MROH9: variants seen among roughly 807,000 people sequenced by gnomAD.
MROH9 encodes the protein maestro heat-like repeat-containing protein family member 9.
In MROH9, 92 loss-of-function variants were observed where a neutral mutation model predicts 98.2. That is an observed-to-expected ratio of 0.94 (90% CI 0.79 to 1.11). The LOEUF (loss-of-function observed/expected upper bound fraction) is 1.11. MROH9 is among the 50% of genes most tolerant of loss of function. The probability of loss-of-function intolerance (pLI) is 0.00; values close to 1 mark genes in which losing one functional copy is unlikely to be tolerated. For synonymous variants in MROH9, 397 were observed against 368.9 expected, an observed-to-expected ratio of 1.08 and a Z score of -0.87; for missense variants, 1,057 against 1,014.8, an observed-to-expected ratio of 1.04 and a Z score of -0.57.
chr1:171,048,808 T>C (rs1221514818), intron 20 of MROH9, among the ~76,000 whole-genome samples: 1 of 152,198 alleles, frequency 6.6e-6, no homozygotes, highest in South Asian at 2.1e-4. Context: ...CACAATGTAG[T>C]ACCTGGGTAT....
At chr1:170,945,404 T>C in intron 1 of MROH9, 116 bp from the exon 2 acceptor site, 1 of 665,262 alleles carries the variant, frequency 1.5e-6, no homozygotes, top group Non-Finnish European at 2.7e-6. Context: ...TGCACAGCTA[T>C]AGAAAATTAA....
At position 170,937,623 on chromosome 1, in the gene MROH9, G is replaced by A. The variant is rs1335514521; in HGVS notation, c.-38+2036G>A. ...TGCAAGCTCCGCCTCCCGGGTTCACGCCATTCTCCTGCCTCAGCCTCCCAA... is the reference window on the plus strand; with the variant it reads ...TGCAAGCTCCGCCTCCCGGGTTCACACCATTCTCCTGCCTCAGCCTCCCAA... On this transcript the variant is annotated intron_variant, in intron 1 of 21. Coordinates refer to ENST00000367759, the MANE Select transcript of MROH9 (RefSeq NM_001163629.2). Among the ~76,000 whole-genome samples, 8 of 144,934 alleles carry A rather than the reference G, an allele frequency of 5.5e-5. No individual in the cohort carries two copies. The South Asian group carries it at 1.1e-3, about 20-fold the overall frequency.
intron 17 of MROH9, among the ~76,000 whole-genome samples, chr1:171,022,874 A>G (rs1220910534): frequency 6.6e-6 from 1 of 152,178 alleles, no homozygotes; most frequent in Non-Finnish European, 1.5e-5. Context: ...CTGTATTACT[A>G]TTATCCAATT....
rs185363507 is a variant in MROH9 at position 170,995,399 on chromosome 1, C to T, written c.1205C>T (p.Ala402Val). 8.1e-6 allele frequency: 13 copies of T among 1,613,314 alleles called. No homozygotes were observed. The East Asian group carries it at 2.7e-4, about 33-fold the overall frequency. Residue 402 changes from alanine (A) to valine (V), a missense_variant, in exon 13 of 22, where the codon GCC becomes GTC. Transcript: ENST00000367759. ...TNLMPLAACQ[A>V]LCTFLPLGSY... ...TTCCTTCCCTTATAGGCATGCCAGG[C>T]CCTGTGCACCTTTCTGCCTCTTGGT...
chr1:171,018,184 G>A (rs1652393223), intron 17 of MROH9, among the ~76,000 whole-genome samples: 2 of 152,098 alleles, frequency 1.3e-5, no homozygotes, highest in African/African-American at 4.8e-5. Flanking sequence ...CCAGAGGAAG[G>A]AGCAGGCACC....
At chr1:171,017,424 G>C (rs776206086) in intron 17 of MROH9, among the ~76,000 whole-genome samples, 4 of 152,158 alleles carry the variant, frequency 2.6e-5, no homozygotes, top group African/African-American at 7.2e-5. Context: ...TTTTTTCCAC[G>C]AAAATCCCAC....
rs573767729 is a variant in MROH9 at position 170,994,979 on chromosome 1, A to T, written c.1195-410A>T. Among the ~76,000 whole-genome samples, 47 of 148,786 alleles carry T rather than the reference A, an allele frequency of 3.2e-4. No individual in the cohort carries two copies. In the East Asian group the frequency reaches 8.1e-3, roughly 26 times the overall value. On this transcript the variant is annotated intron_variant, in intron 12 of 21. Transcript: ENST00000367759. The stretch of plus-strand genomic sequence containing the variant: ...ATTGCAGTAGTCAATAGGCCAAATG[A>T]TCTGTTGGTGACCTGACCTGCCTTC...
chr1:171,038,531 G>A (rs1653184337), intron 20 of MROH9, among the ~76,000 whole-genome samples: 1 of 152,152 alleles, frequency 6.6e-6, no homozygotes, highest in African/African-American at 2.4e-5. Context: ...TCACACATGG[G>A]AGAAATGATG....
In MROH9 at chr1:171,014,340, C is replaced by T. The variant is rs544867749; in HGVS notation, c.1734+86C>T. On this transcript the variant is annotated intron_variant, in intron 16 of 21. Transcript: ENST00000367759. Reference sequence around the variant, plus strand: ...TCACTTAACATCTTCACTGACAAAGCGGTGATATTTTTCAGTCTCTATATA... The same window carrying T: ...TCACTTAACATCTTCACTGACAAAGTGGTGATATTTTTCAGTCTCTATATA... The T allele has an allele frequency of 1.2e-5, 15 of 1,279,394 alleles. 1 individual carries two copies. The Admixed American group carries it at 2.0e-4, about 17-fold the overall frequency. The allele number at this position is 1,279,394 out of a possible 1,614,324, so 79.3% of individuals were successfully genotyped here.
At chr1:171,054,497 AAAAGCAAATG>A (rs1653768494) in intron 20 of MROH9, among the ~76,000 whole-genome samples, 1 of 147,882 alleles carries the variant, frequency 6.8e-6, no homozygotes, top group African/African-American at 2.7e-5. Flanking sequence ...CCAAGAACCC[AAAAGCAAATG>A]CAACAAAATT....
intron 12 of MROH9, among the ~76,000 whole-genome samples, chr1:170,993,891 A>G (rs563654250): frequency 1.3e-5 from 2 of 151,846 alleles, no homozygotes; most frequent in African/African-American, 4.8e-5. Flanking sequence ...TTTTTAATGT[A>G]TTTTTCTCTC....
rs773855378 is a variant in MROH9, at chr1:170,983,508, C to A, written c.703C>A (p.Gln235Lys). The A allele has an allele frequency of 1.2e-6, 2 of 1,612,186 alleles. No individual in the cohort carries two copies. The change falls in exon 9 of 22, where the codon CAA (glutamine) becomes AAA (lysine). Residue 235 changes from glutamine (Q) to lysine (K), a missense_variant. Physicochemically the swap from Gln to Lys is moderately conservative, Grantham distance 53. Coordinates refer to ENST00000367759, the MANE Select transcript of MROH9 (RefSeq NM_001163629.2). ...TGTAGAATTTCTACCCAAGGAGTTT[C>A]AACAAGACGAAAGTAAAATAGCTCA... ...SDVEFLPKEF[Q>K]QDESKIAQRV...
chr1:171,008,496 A>G (rs1235026815), intron 15 of MROH9, among the ~76,000 whole-genome samples: 1 of 152,254 alleles, frequency 6.6e-6, no homozygotes, highest in African/African-American at 2.4e-5. Flanking sequence ...TTTCTGTACA[A>G]TGGAATTACT....
chr1:170,945,124 T>A (rs1180226815), intron 1 of MROH9, among the ~76,000 whole-genome samples: 1 of 151,850 alleles, frequency 6.6e-6, no homozygotes, highest in Non-Finnish European at 1.5e-5. Flanking sequence ...CGCAGACGGC[T>A]TCTAGATGCT....
chr1:171,021,610 G>A (rs1260436968), intron 17 of MROH9, among the ~76,000 whole-genome samples: 2 of 151,536 alleles, frequency 1.3e-5, no homozygotes, highest in Non-Finnish European at 1.5e-5. Context: ...ACTTAACATG[G>A]CTTAAAGACT....
chr1:170,965,891 A>C (rs1166516936), intron 7 of MROH9, among the ~76,000 whole-genome samples: 1 of 152,132 alleles, frequency 6.6e-6, no homozygotes, highest in Non-Finnish European at 1.5e-5. Context: ...AATACATCCT[A>C]TAGACATTTT....
At position 170,995,521 on chromosome 1, in the gene MROH9, G is replaced by A; in HGVS notation, c.1327G>A (p.Asp443Asn). Reference protein sequence around the residue: ...YNSELKPILKDRALYAQDALR... With the variant: ...YNSELKPILKNRALYAQDALR... ...CAGTGAGCTGAAACCGATACTCAAG[G>A]ACAGGGCTTTGTGAGTTAAAACTGG... Residue 443 changes from aspartate (D) to asparagine (N), a missense_variant, in exon 13 of 22, where the codon GAC becomes AAC. Transcript: ENST00000367759. 6.2e-7 allele frequency: 1 copy of A among 1,613,078 alleles called. No homozygotes were observed. The highest frequency in any genetic ancestry group is 8.5e-7 in the Non-Finnish European group (1 of 1,179,388).
intron 5 of MROH9, 103 bp downstream of exon 5, chr1:170,959,700 C>A: frequency 9.5e-7 from 1 of 1,056,380 alleles, no homozygotes; most frequent in Non-Finnish European, 1.3e-6. Context: ...TCCTCCTCTT[C>A]ACTCTTTTTA....
At chr1:171,053,444 G>A (rs1164166536) in intron 20 of MROH9, among the ~76,000 whole-genome samples, 1 of 152,198 alleles carries the variant, frequency 6.6e-6, no homozygotes, top group Non-Finnish European at 1.5e-5. Flanking sequence ...CTGGTTGGAT[G>A]AAGAAGATAT....
Sources: gnomAD v4.1 joint callset for allele counts (sites outside exome capture counted in the v4.1 genomes callset) on GRCh38, gnomAD v4.1.1 for gene constraint, MANE v1.5 for transcripts, NCBI Gene and HGNC (gene_info 2026-07-23, HGNC 2026-07-21) for gene names.